The following PTPRD variants were observed in gnomAD, a reference collection of about 807,000 sequenced individuals.
The protein encoded by PTPRD is receptor-type tyrosine-protein phosphatase delta.
In PTPRD, 34 loss-of-function variants were observed where a neutral mutation model predicts 214.5. That is an observed-to-expected ratio of 0.16 (90% CI 0.12 to 0.21). The LOEUF (loss-of-function observed/expected upper bound fraction) is 0.21, where lower values mean the gene tolerates loss of function less well. Ranked by LOEUF, PTPRD falls within the 10% of genes least tolerant of loss-of-function variation. PTPRD has a pLI of 1.00. For synonymous variants in PTPRD, 1,128 were observed against 845.7 expected (o/e 1.33, Z -5.79); for missense variants, 2,545 against 2,398.7 (o/e 1.06, Z -1.27).
chr9:8,320,669 A>C (rs2130780907), intron 44 of PTPRD, among the ~76,000 whole-genome samples: 1 of 152,252 alleles, frequency 6.6e-6, no homozygotes, highest in East Asian at 1.9e-4. Flanking sequence ...AAAAATGGTT[A>C]AGAGCCATTG....
chr9:9,795,418 C>T (rs1000115457), intron 5 of PTPRD, among the ~76,000 whole-genome samples: 3 of 151,892 alleles, frequency 2.0e-5, no homozygotes, highest in Non-Finnish European at 2.9e-5. Context: ...CCATTGCCAC[C>T]CAGCCAAGGA....
chr9:10,359,554 A>T (rs977192808), intron 2 of PTPRD, among the ~76,000 whole-genome samples: 1 of 152,128 alleles, frequency 6.6e-6, no homozygotes, highest in African/African-American at 2.4e-5. Context: ...TTTTGGCACA[A>T]ATTATTAATC....
At chr9:10,554,644 T>C in intron 2 of PTPRD, among the ~76,000 whole-genome samples, 1 of 137,510 alleles carries the variant, frequency 7.3e-6, no homozygotes, top group Non-Finnish European at 1.7e-5. Context: ...GTTTATACAT[T>C]TCTTTTTTTA....
intron 11 of PTPRD, among the ~76,000 whole-genome samples, chr9:8,877,192 T>C (rs1334972832): frequency 2.6e-5 from 4 of 152,182 alleles, no homozygotes; most frequent in Admixed American, 2.6e-4. Flanking sequence ...CCCAAAATGC[T>C]GGGATTAAAG....
intron 5 of PTPRD, among the ~76,000 whole-genome samples, chr9:9,899,251 G>C (rs1342024286): frequency 1.3e-5 from 2 of 152,014 alleles, no homozygotes; most frequent in Non-Finnish European, 2.9e-5. Context: ...AAATAATGGA[G>C]AGTGTGAAGA....
chr9:10,595,037 C>T (rs368713404), intron 2 of PTPRD, among the ~76,000 whole-genome samples: 176 of 151,706 alleles, frequency 1.2e-3, no homozygotes, highest in African/African-American at 3.7e-3. Context: ...TATTTATAGG[C>T]GATAATTAGA....
At chr9:9,097,574 A>AT (rs1223499297) in intron 10 of PTPRD, among the ~76,000 whole-genome samples, 2 of 146,482 alleles carry the variant, frequency 1.4e-5, no homozygotes, top group African/African-American at 5.1e-5. Flanking sequence ...ATGCCAGGCT[A>AT]ATTTTTTTTG....
rs141811072 is a variant in PTPRD, at chr9:9,224,851, T to C, written c.-202-41488A>G. Among the ~76,000 whole-genome samples the C allele has an allele frequency of 2.0e-3, 305 of 152,106 alleles. 2 individuals carry two copies. The highest frequency in any genetic ancestry group is 6.8e-3 in the African/African-American group (281 of 41,546). On this transcript the variant is annotated intron_variant, in intron 9 of 45. Transcript: ENST00000381196. ...TCATCTTTCACAATAAAAAGATACA[T>C]GGGATTCAAATTGATACATTTGCTA... is the stretch of plus-strand genomic sequence containing the variant.
chr9:9,190,356 G>C (rs1028209178), intron 9 of PTPRD, among the ~76,000 whole-genome samples: 1 of 152,048 alleles, frequency 6.6e-6, no homozygotes, highest in Admixed American at 6.6e-5. Context: ...CATGGGGCCA[G>C]TATTTCCCAT....
chr9:8,802,257 T>C (rs1344622867), intron 11 of PTPRD, among the ~76,000 whole-genome samples: 1 of 152,116 alleles, frequency 6.6e-6, no homozygotes, highest in Non-Finnish European at 1.5e-5. Context: ...AGTGAAATGG[T>C]GAAGGGTTTT....
At chr9:9,893,654 A>C (rs1258328432) in intron 5 of PTPRD, among the ~76,000 whole-genome samples, 2 of 152,052 alleles carry the variant, frequency 1.3e-5, no homozygotes, top group African/African-American at 4.8e-5. Flanking sequence ...AAGTTATTGG[A>C]AAGGACCCAG....
At chr9:9,328,091 A>T (rs115720994) in intron 9 of PTPRD, among the ~76,000 whole-genome samples, 2,596 of 152,210 alleles carry the variant, frequency 0.017, 74 homozygotes, top group African/African-American at 0.06. Context: ...TTCCATTTAA[A>T]ATTACTCTAA....
chr9:9,891,780 A>G, intron 5 of PTPRD, among the ~76,000 whole-genome samples: 1 of 152,170 alleles, frequency 6.6e-6, no homozygotes, highest in East Asian at 1.9e-4. Context: ...AACTTACTAA[A>G]TATCGACTAC....
chr9:8,620,091 G>A (rs1391872015), intron 14 of PTPRD, among the ~76,000 whole-genome samples: 1 of 151,908 alleles, frequency 6.6e-6, no homozygotes, highest in Non-Finnish European at 1.5e-5. Context: ...AACCTCAGAT[G>A]GAACACCTAT....
intron 9 of PTPRD, among the ~76,000 whole-genome samples, chr9:9,376,259 A>G (rs1569567809): frequency 6.6e-6 from 1 of 152,110 alleles, no homozygotes; most frequent in South Asian, 2.1e-4. Flanking sequence ...TGTTTTCTCT[A>G]TGGCAAACAA....
intron 2 of PTPRD, among the ~76,000 whole-genome samples, chr9:10,545,234 A>C (rs1164215775): frequency 2.6e-5 from 4 of 152,184 alleles, no homozygotes; most frequent in Non-Finnish European, 5.9e-5. Flanking sequence ...CTTTACTCAA[A>C]AGGTACTGAT....
chr9:8,650,402 G>C (rs538500185), intron 12 of PTPRD, among the ~76,000 whole-genome samples: 1 of 152,046 alleles, frequency 6.6e-6, no homozygotes, highest in Admixed American at 6.5e-5. Context: ...GCACATGCCT[G>C]TAATCCCAGC....
rs532505014 is a variant in PTPRD, at chr9:10,407,727, G to A, written c.-599-66710C>T. On this transcript the variant is annotated intron_variant, in intron 2 of 45. Coordinates refer to ENST00000381196, the MANE Select transcript of PTPRD (RefSeq NM_002839.4). ...CTATTTTGATAATGGTGGCATGTAT[G>A]TATAATGATTTTTCTAATAAAATGG... Among the ~76,000 whole-genome samples the A allele has an allele frequency of 4.6e-5, 7 of 151,620 alleles. No individual in the cohort carries two copies. In the South Asian group the frequency reaches 1.5e-3, roughly 31 times the overall value.
intron 12 of PTPRD, among the ~76,000 whole-genome samples, chr9:8,656,178 C>T (rs1045393650): frequency 1.3e-5 from 2 of 152,186 alleles, no homozygotes; most frequent in Non-Finnish European, 2.9e-5. Flanking sequence ...TTCTCTGAGA[C>T]CAGATCCTGA....
Sources: allele counts gnomAD v4.1 joint callset (sites outside exome capture counted in the v4.1 genomes callset), GRCh38; gene constraint gnomAD v4.1.1; transcripts MANE v1.5; gene names NCBI Gene and HGNC (gene_info 2026-07-23, HGNC 2026-07-21).